Variants in TJP1 observed in about 807,000 individuals in gnomAD.
The protein encoded by TJP1 is tight junction protein ZO-1.
TJP1 carries 43 observed loss-of-function variants against 194.2 expected under a neutral mutation model. The ratio of observed to expected loss-of-function variants is 0.22; its 90% confidence interval spans 0.17 to 0.29. The LOEUF is 0.29. Among genes scored for constraint, TJP1 ranks in the 10% least tolerant of loss-of-function variants. TJP1 has a pLI of 1.00. For missense variants in TJP1, 1,971 were observed against 2,185.7 expected (o/e 0.90, Z 1.96); for synonymous variants, 801 against 779.0 (o/e 1.03, Z -0.47).
At chr15:29,706,225 G>A (rs1213713976) in intron 25 of TJP1, among the ~76,000 whole-genome samples, 3 of 152,148 alleles carry the variant, frequency 2.0e-5, no homozygotes, top group Non-Finnish European at 4.4e-5. Context: ...GAGCCACCGC[G>A]CCTGGCGAGA....
chr15:29,840,968 C>G (rs938532399), intron 2 of TJP1, among the ~76,000 whole-genome samples: 4 of 152,134 alleles, frequency 2.6e-5, no homozygotes, highest in African/African-American at 9.7e-5. Context: ...GTGTGGCTAT[C>G]TGAAATTGCA....
chr15:29,968,540 C>G, intron 1 of TJP1: 1 of 809,546 alleles, frequency 1.2e-6, no homozygotes. Flanking sequence ...CGCGTCCCGT[C>G]GGGCCCGACA....
chr15:29,705,053 C>CA (rs1181244797), intron 26 of TJP1, among the ~76,000 whole-genome samples: 1 of 152,198 alleles, frequency 6.6e-6, no homozygotes, highest in African/African-American at 2.4e-5. Flanking sequence ...GCTGTCATCT[C>CA]CTCTGAGACT....
rs78073193 is a variant in TJP1 at position 29,828,611 on chromosome 15, G to A, written c.307-27909C>T. On this transcript the variant is annotated intron_variant, in intron 2 of 28. Coordinates refer to the TJP1 transcript ENST00000356107. ...CACTTGATAATATTAATCTTTTATA[G>A]TTTCACCTATCTGGTAGACAACAAT... Among the ~76,000 whole-genome samples the A allele has an allele frequency of 5.3e-3, 799 of 151,972 alleles. 25 individuals are homozygous for A. The East Asian group carries it at 0.095, about 18-fold the overall frequency.
chr15:29,856,008 T>G (rs2051836265), intron 2 of TJP1, among the ~76,000 whole-genome samples: 1 of 152,242 alleles, frequency 6.6e-6, no homozygotes, highest in African/African-American at 2.4e-5. Context: ...GGAACTTGTA[T>G]GCAAACATTC....
At chr15:29,933,397 A>C (rs1357488289) in intron 2 of TJP1, among the ~76,000 whole-genome samples, 2 of 152,222 alleles carry the variant, frequency 1.3e-5, no homozygotes, top group Admixed American at 1.3e-4. Flanking sequence ...TGGGAAAAAT[A>C]ACTTGAAAAA....
intron 2 of TJP1, among the ~76,000 whole-genome samples, chr15:29,856,638 G>A (rs570747789): frequency 7.9e-5 from 12 of 152,256 alleles, no homozygotes; most frequent in South Asian, 4.2e-4. Flanking sequence ...TTCTGCATCC[G>A]TGGATTCAAC....
intron 2 of TJP1, among the ~76,000 whole-genome samples, chr15:29,880,345 A>G (rs1173314769): frequency 6.6e-6 from 1 of 152,212 alleles, no homozygotes; most frequent in Non-Finnish European, 1.5e-5. Context: ...TAATTTGATG[A>G]ATTTGGACAT....
chr15:29,958,518 C>T (rs2056032621), intron 1 of TJP1, among the ~76,000 whole-genome samples: 1 of 152,108 alleles, frequency 6.6e-6, no homozygotes, highest in Non-Finnish European at 1.5e-5. Flanking sequence ...TTTACTTTGT[C>T]CTCAACCACC....
At chr15:29,949,710 C>CTA (rs2055558029) in intron 2 of TJP1, among the ~76,000 whole-genome samples, 1 of 123,792 alleles carries the variant, frequency 8.1e-6, no homozygotes, top group African/African-American at 2.9e-5. Context: ...ACCACCACCT[C>CTA]CATCACCTCC....
At chr15:29,802,084 T>A (rs1282840548) in intron 1 of TJP1, among the ~76,000 whole-genome samples, 1 of 152,206 alleles carries the variant, frequency 6.6e-6, no homozygotes, top group African/African-American at 2.4e-5. Flanking sequence ...TCTCTCTTAA[T>A]GTTACCATTT....
chr15:29,918,914 A>C (rs1287440896), intron 2 of TJP1, among the ~76,000 whole-genome samples: 2 of 152,220 alleles, frequency 1.3e-5, no homozygotes, highest in African/African-American at 4.8e-5. Flanking sequence ...GGTGTTTATC[A>C]AATAAACTAC....
chr15:29,759,999 A>C (rs2045897502), intron 8 of TJP1: 1 of 493,314 alleles, frequency 2.0e-6, no homozygotes, highest in South Asian at 3.7e-5. Flanking sequence ...TTGCTGGATC[A>C]TGTGCTAGTT....
chr15:29,899,157 T>C (rs2053564101), intron 2 of TJP1, among the ~76,000 whole-genome samples: 2 of 152,204 alleles, frequency 1.3e-5, no homozygotes, highest in African/African-American at 4.8e-5. Flanking sequence ...CAATGTTTCA[T>C]GAGGCAGAAA....
intron 2 of TJP1, among the ~76,000 whole-genome samples, chr15:29,833,688 C>G (rs2152050515): frequency 6.6e-6 from 1 of 151,360 alleles, no homozygotes; most frequent in South Asian, 2.1e-4. Context: ...ACCACCACAC[C>G]CGGCCTACTT....
rs370614422 is a variant in TJP1, at chr15:29,807,565, T to C, written c.28-6863A>G. Among the ~76,000 whole-genome samples the C allele has an allele frequency of 2.0e-4, 30 of 152,282 alleles. 1 individual carries two copies. The East Asian group carries it at 2.5e-3, about 13-fold the overall frequency. On this transcript the variant is annotated intron_variant, in intron 1 of 27. Transcript: ENST00000614355. ...AGTCCTCTGAGTATATCTTTTTGCA[T>C]AACTCTCTTTCTTAGACCACAGTAT...
At chr15:29,895,933 C>T (rs999527968) in intron 2 of TJP1, among the ~76,000 whole-genome samples, 2 of 152,182 alleles carry the variant, frequency 1.3e-5, no homozygotes, top group African/African-American at 4.8e-5. Context: ...CCCACTCTCT[C>T]TTATATAGTG....
At chr15:29,709,064 A>G in intron 24 of TJP1, 28 bp from the exon 25 acceptor site, 1 of 1,582,542 alleles carries the variant, frequency 6.3e-7, no homozygotes, top group Non-Finnish European at 8.6e-7. Flanking sequence ...GCATTTAAAT[A>G]ACTTTCTGAA....
chr15:29,764,892 G>T lies in TJP1; in HGVS notation c.589+1374C>A, dbSNP rs45517939. On this transcript the variant is annotated intron_variant, in intron 5 of 27. Coordinates refer to ENST00000614355, the MANE Select transcript of TJP1 (RefSeq NM_001330239.4). Reference sequence around the variant, plus strand: ...GGTTCTGCCATCATCAGCAGTGACTGGAAGCAGGGGAGCAGATGAGATTGC... The same window carrying T: ...GGTTCTGCCATCATCAGCAGTGACTTGAAGCAGGGGAGCAGATGAGATTGC... Among the ~76,000 whole-genome samples the T allele has an allele frequency of 2.2e-4, 33 of 152,216 alleles. No individual in the cohort carries two copies. The East Asian group carries it at 6.4e-3, about 29-fold the overall frequency.
Sources: allele counts gnomAD v4.1 joint callset (sites outside exome capture counted in the v4.1 genomes callset), GRCh38; gene constraint gnomAD v4.1.1; transcripts MANE v1.5; gene names NCBI Gene and HGNC (gene_info 2026-07-23, HGNC 2026-07-21).